Variants in SLC4A4 observed in about 807,000 individuals in gnomAD.
SLC4A4 encodes the protein electrogenic sodium bicarbonate cotransporter 1.
In SLC4A4, 27 loss-of-function variants were observed where a neutral mutation model predicts 111.5. The observed-to-expected ratio is 0.24, with a 90% CI of 0.18 to 0.33. The LOEUF is 0.33. SLC4A4 is among the 10% of genes least tolerant of loss of function. The pLI is 1.00. For missense variants in SLC4A4, 909 were observed against 1,315.5 expected (o/e 0.69, Z 4.78); for synonymous variants, 443 against 463.4 (o/e 0.96, Z 0.57).
intron 2 of SLC4A4, among the ~76,000 whole-genome samples, chr4:71,180,544 T>C (rs1361950881): frequency 1.3e-5 from 2 of 152,044 alleles, no homozygotes; most frequent in Admixed American, 6.6e-5. Context: ...GGGCAAAGGA[T>C]ATGAACAGAC....
chr4:71,151,464 C>T (rs766599696), intron 2 of SLC4A4, among the ~76,000 whole-genome samples: 2 of 152,000 alleles, frequency 1.3e-5, no homozygotes, highest in African/African-American at 4.8e-5. Context: ...TCTGACATAG[C>T]CTTTGTCATT....
chr4:71,503,631 A>G (rs926400649), intron 16 of SLC4A4, among the ~76,000 whole-genome samples: 1 of 151,934 alleles, frequency 6.6e-6, no homozygotes, highest in Non-Finnish European at 1.5e-5. Flanking sequence ...TTACTTTCTT[A>G]TCTACTGTGT....
At chr4:71,314,425 C>A (rs1450218944) in intron 3 of SLC4A4, among the ~76,000 whole-genome samples, 1 of 151,988 alleles carries the variant, frequency 6.6e-6, no homozygotes, top group Non-Finnish European at 1.5e-5. Context: ...GGGTATATAC[C>A]CAAAGGATTA....
chr4:71,132,967 G>A (rs1284253943), intron 2 of SLC4A4, among the ~76,000 whole-genome samples: 2 of 152,206 alleles, frequency 1.3e-5, no homozygotes, highest in Non-Finnish European at 2.9e-5. Context: ...GTGGGAACTA[G>A]CAAGCCCCTA....
Position 71,305,324 on chromosome 4 carries a change from C to T in SLC4A4, c.254-34046C>T, listed in dbSNP as rs190688774. Among the ~76,000 whole-genome samples the T allele has an allele frequency of 1.2e-3, 187 of 152,238 alleles. 6 individuals are homozygous for T. Among genetic ancestry groups the T allele is most frequent in the Admixed American group, 3.1e-3 (48 of 15,280 alleles). ...GGTGATTGACTTAATCTATCTAAAC[C>T]TTCATTTTTAGATTGAGCTACTTAA... On this transcript the variant is annotated intron_variant, in intron 3 of 25. Transcript: ENST00000264485.
rs781272521 is a variant in SLC4A4 at position 71,534,261 on chromosome 4, C to T, written c.2315C>T (p.Pro772Leu). 1.9e-6 allele frequency: 3 copies of T among 1,613,624 alleles called. No individual in the cohort carries two copies. Among genetic ancestry groups the T allele is most frequent in the South Asian group, 1.1e-5 (1 of 91,080 alleles). The change falls in exon 18 of 26, where the codon CCG becomes CTG. Residue 772 changes from proline to leucine, a missense_variant. By Grantham distance (98) the Pro-to-Leu change is moderately conservative. Coordinates refer to ENST00000264485, the MANE Select transcript of SLC4A4 (RefSeq NM_001098484.3). ...TSPNRGWFVPPFGENPWWVCL... is the reference protein window; with the variant it reads ...TSPNRGWFVPLFGENPWWVCL... ...CCAAACCGAGGTTGGTTCGTTCCACCGTTTGGAGAAAACCCCTGGTGGGTG... is the reference window on the plus strand; with the variant it reads ...CCAAACCGAGGTTGGTTCGTTCCACTGTTTGGAGAAAACCCCTGGTGGGTG...
At chr4:71,138,764 C>A (rs951617449) in intron 2 of SLC4A4, among the ~76,000 whole-genome samples, 1 of 151,966 alleles carries the variant, frequency 6.6e-6, no homozygotes, top group African/African-American at 2.4e-5. Flanking sequence ...TGGCCGGGCG[C>A]GGTGGCTCAC....
intron 2 of SLC4A4, among the ~76,000 whole-genome samples, chr4:71,158,625 A>G (rs1744540004): frequency 1.3e-5 from 2 of 152,222 alleles, no homozygotes; most frequent in African/African-American, 4.8e-5. Flanking sequence ...AATGAGCCGA[A>G]AAAGGAATGA....
At chr4:71,217,602 GC>G (rs1296091080) in intron 1 of SLC4A4, among the ~76,000 whole-genome samples, 1 of 152,014 alleles carries the variant, frequency 6.6e-6, no homozygotes, top group East Asian at 1.9e-4. Context: ...CAACGAAATG[GC>G]ATTTATGTAG....
intron 3 of SLC4A4, among the ~76,000 whole-genome samples, chr4:71,297,425 GT>G (rs1274319057): frequency 1.3e-5 from 2 of 150,992 alleles, no homozygotes; most frequent in Middle Eastern, 3.2e-3. Context: ...TCTGTCCTTT[GT>G]TTTCATGTGT....
chr4:71,293,532 C>T (rs1724546460), intron 3 of SLC4A4, among the ~76,000 whole-genome samples: 1 of 150,582 alleles, frequency 6.6e-6, no homozygotes, highest in African/African-American at 2.5e-5. Context: ...CACTGCACTC[C>T]AGCCTGGGCG....
chr4:71,341,141 A>G (rs1028398043), intron 4 of SLC4A4, among the ~76,000 whole-genome samples: 2 of 152,196 alleles, frequency 1.3e-5, no homozygotes, highest in African/African-American at 2.4e-5. Context: ...ATTCCAATCA[A>G]TTCAACTCAA....
At chr4:71,152,465 T>C (rs577574969) in intron 2 of SLC4A4, among the ~76,000 whole-genome samples, 1 of 152,322 alleles carries the variant, frequency 6.6e-6, no homozygotes, top group South Asian at 2.1e-4. Flanking sequence ...GATTATGTTT[T>C]TGAGAATAAT....
At chr4:71,113,155 C>A (rs1312842963) in intron 2 of SLC4A4, among the ~76,000 whole-genome samples, 4 of 152,174 alleles carry the variant, frequency 2.6e-5, no homozygotes. Context: ...CTGGAGACTG[C>A]CCAGAGTTCC....
chr4:71,263,036 C>A (rs1244887781), intron 3 of SLC4A4, among the ~76,000 whole-genome samples: 4 of 146,244 alleles, frequency 2.7e-5, no homozygotes, highest in Non-Finnish European at 4.5e-5. Context: ...ACAACAGGCC[C>A]CGGTGTGTGA....
chr4:71,073,255 A>G (rs887173745), intron 1 of SLC4A4, among the ~76,000 whole-genome samples: 1 of 152,080 alleles, frequency 6.6e-6, no homozygotes, highest in Non-Finnish European at 1.5e-5. Context: ...CTATTTTTAT[A>G]CCTAATTTCT....
intron 3 of SLC4A4, among the ~76,000 whole-genome samples, chr4:71,262,529 T>C (rs1332803775): frequency 6.6e-6 from 1 of 152,198 alleles, no homozygotes; most frequent in Non-Finnish European, 1.5e-5. Context: ...TATCCTTCTC[T>C]GTTGTTTTTC....
At chr4:71,478,339 C>G (rs1386797260) in intron 14 of SLC4A4, among the ~76,000 whole-genome samples, 2 of 151,852 alleles carry the variant, frequency 1.3e-5, no homozygotes, top group Non-Finnish European at 2.9e-5. Flanking sequence ...TTCACAATAG[C>G]AAAGACTTGG....
intron 12 of SLC4A4, among the ~76,000 whole-genome samples, chr4:71,460,608 G>C (rs2149090614): frequency 6.6e-6 from 1 of 152,266 alleles, no homozygotes; most frequent in Middle Eastern, 3.4e-3. Flanking sequence ...GCTGTGATCT[G>C]TCAGGACAGA....
Sources: allele counts gnomAD v4.1 joint callset (sites outside exome capture counted in the v4.1 genomes callset), GRCh38; gene constraint gnomAD v4.1.1; transcripts MANE v1.5; gene names NCBI Gene and HGNC (gene_info 2026-07-23, HGNC 2026-07-21).